APBB2: variants seen among roughly 807,000 people sequenced by gnomAD.
APBB2 encodes amyloid beta precursor protein binding family B member 2, also known as Fe65-like 1.
In APBB2, 38 loss-of-function variants were observed where a neutral mutation model predicts 82.5. That is an observed-to-expected ratio of 0.46 (90% CI 0.36 to 0.60). The LOEUF (loss-of-function observed/expected upper bound fraction) is 0.60, where lower values mean the gene tolerates loss of function less well. APBB2 is among the 20% of genes least tolerant of loss of function. The pLI, the probability that APBB2 is intolerant of heterozygous loss-of-function variation, is 0.00. For synonymous variants in APBB2, 341 were observed against 368.2 expected (o/e 0.93, Z 0.85); for missense variants, 772 against 972.3 (o/e 0.79, Z 2.74).
intron 12 of APBB2, among the ~76,000 whole-genome samples, chr4:40,844,672 G>C (rs542795312): frequency 3.9e-5 from 6 of 152,174 alleles, no homozygotes; most frequent in African/African-American, 7.2e-5. Context: ...CAATTTACAA[G>C]ATCAGCAAAG....
intron 2 of APBB2, among the ~76,000 whole-genome samples, chr4:41,140,820 T>C (rs1758913438): frequency 6.6e-6 from 1 of 152,196 alleles, no homozygotes; most frequent in Admixed American, 6.5e-5. Context: ...ATGCTTCCTA[T>C]GAGAATGTAA....
At chr4:40,982,281 A>AAG (rs1798872478) in intron 6 of APBB2, among the ~76,000 whole-genome samples, 2 of 17,476 alleles carry the variant, frequency 1.1e-4, no homozygotes, top group East Asian at 1.2e-3. Context: ...AAAGAAAGAA[A>AAG]GAAGGAAGGA....
intron 5 of APBB2, among the ~76,000 whole-genome samples, chr4:41,029,074 C>T (rs1048168386): frequency 6.6e-6 from 1 of 152,208 alleles, no homozygotes; most frequent in South Asian, 2.1e-4. Flanking sequence ...GATAAATGGG[C>T]CAAAGGAAGA....
chr4:40,830,455 C>T lies in APBB2; in HGVS notation c.1644+8G>A. 3 of 1,607,822 alleles carry T rather than the reference C, an allele frequency of 1.9e-6. No homozygotes were observed. The highest frequency in any genetic ancestry group is 1.1e-5 in the South Asian group (1 of 90,952). On this transcript the variant is annotated splice_region_variant and intron_variant, in intron 13 of 17. Coordinates refer to ENST00000508593, the MANE Select transcript of APBB2 (RefSeq NM_004307.2). ...AGAGGCGGCCCATACTGCCCTGACC[C>T]ACCTTACCTTGGAGCAGATCTCGTG...
intron 12 of APBB2, among the ~76,000 whole-genome samples, chr4:40,862,572 G>A (rs760171414): frequency 7.2e-5 from 11 of 152,206 alleles, no homozygotes; most frequent in Admixed American, 2.6e-4. Context: ...GGTGCCGGGC[G>A]GGTCCTAGCC....
intron 3 of APBB2, among the ~76,000 whole-genome samples, chr4:41,067,443 G>T (rs192400982): frequency 6.6e-6 from 1 of 151,912 alleles, no homozygotes; most frequent in Non-Finnish European, 1.5e-5. Context: ...AAATTGAAGC[G>T]TGGAAGATTC....
intron 4 of APBB2, among the ~76,000 whole-genome samples, chr4:41,049,497 C>G (rs1234927476): frequency 6.8e-6 from 1 of 146,648 alleles, no homozygotes; most frequent in Non-Finnish European, 1.5e-5. Context: ...CCGCCCCGTC[C>G]GGGAGGGAGG....
chr4:41,087,582 C>T (rs1028843270), intron 3 of APBB2, among the ~76,000 whole-genome samples: 1 of 152,066 alleles, frequency 6.6e-6, no homozygotes, highest in South Asian at 2.1e-4. Context: ...GCATGCATCA[C>T]CATGACTGGC....
At chr4:40,847,919 G>A (rs1031785529) in intron 12 of APBB2, among the ~76,000 whole-genome samples, 5 of 151,782 alleles carry the variant, frequency 3.3e-5, no homozygotes, top group Admixed American at 6.6e-5. Flanking sequence ...CAATCCTCCG[G>A]CCTCAACCTC....
intron 6 of APBB2, among the ~76,000 whole-genome samples, chr4:40,974,018 A>AT (rs912288613): frequency 2.0e-5 from 3 of 151,504 alleles, no homozygotes; most frequent in Non-Finnish European, 4.4e-5. Context: ...CACCTGGCTA[A>AT]TTTTTTTGTA....
chr4:40,939,130 C>G (rs1560333178), intron 7 of APBB2, among the ~76,000 whole-genome samples: 1 of 152,222 alleles, frequency 6.6e-6, no homozygotes, highest in African/African-American at 2.4e-5. Flanking sequence ...TTTTCAGCCT[C>G]TATAACCATA....
rs55814804 is a variant in APBB2, at chr4:40,907,379, A to ATTTTT, written c.1255-13973_1255-13969dup. On this transcript the variant is annotated intron_variant, in intron 10 of 17. Coordinates refer to ENST00000508593, the MANE Select transcript of APBB2 (RefSeq NM_004307.2). ...TATATATATATATATATATATATAT[A>ATTTTT]TTTTTTTTTTTTTTTTTTTTTAGAC... Among the ~76,000 whole-genome samples, 19 of 37,396 alleles carry ATTTTT rather than the reference A, an allele frequency of 5.1e-4. 1 individual carries two copies. Among genetic ancestry groups the ATTTTT allele is most frequent in the African/African-American group, 2.4e-3 (19 of 8,026 alleles). 24.5% of individuals were successfully genotyped at this position (37,396 alleles called of 152,430 possible). A position where few individuals can be genotyped will look rare whatever the true frequency, so the allele number is the denominator to read the frequency against.
At chr4:40,861,475 T>G (rs1762750385) in intron 12 of APBB2, among the ~76,000 whole-genome samples, 2 of 152,316 alleles carry the variant, frequency 1.3e-5, no homozygotes, top group South Asian at 4.1e-4. Flanking sequence ...TGCAGAGAGC[T>G]ATGATCTTGC....
chr4:40,869,187 C>G (rs1006753203), intron 12 of APBB2, among the ~76,000 whole-genome samples: 2 of 152,174 alleles, frequency 1.3e-5, no homozygotes, highest in South Asian at 4.2e-4. Context: ...TGCCTGTAAA[C>G]AGAAGAATAA....
At chr4:40,932,375 A>G (rs190316773) in intron 10 of APBB2, among the ~76,000 whole-genome samples, 111 of 152,374 alleles carry the variant, frequency 7.3e-4, no homozygotes, top group African/African-American at 2.0e-3. Context: ...TAGAGTGGCC[A>G]TGATATTACT....
chr4:41,189,977 C>A (rs1372048708), intron 1 of APBB2, among the ~76,000 whole-genome samples: 1 of 152,132 alleles, frequency 6.6e-6, no homozygotes, highest in Admixed American at 6.5e-5. Flanking sequence ...AACAATTCAG[C>A]ATGTCTTCAA....
chr4:40,861,549 G>A (rs1016550116), intron 12 of APBB2, among the ~76,000 whole-genome samples: 1 of 152,110 alleles, frequency 6.6e-6, no homozygotes, highest in African/African-American at 2.4e-5. Context: ...ATAAATGAAT[G>A]AATGAATAAA....
intron 12 of APBB2, among the ~76,000 whole-genome samples, chr4:40,877,669 A>G (rs1767255274): frequency 6.6e-6 from 1 of 152,162 alleles, no homozygotes; most frequent in African/African-American, 2.4e-5. Flanking sequence ...GCTGGGACAG[A>G]CCTGGTTTTA....
intron 6 of APBB2, among the ~76,000 whole-genome samples, chr4:40,982,552 T>G (rs1799367736): frequency 6.6e-6 from 1 of 151,374 alleles, no homozygotes; most frequent in South Asian, 2.1e-4. Flanking sequence ...GTGGATTGCT[T>G]GAGCTCAGGA....
Sources: gnomAD v4.1 joint callset for allele counts (sites outside exome capture counted in the v4.1 genomes callset) on GRCh38, gnomAD v4.1.1 for gene constraint, MANE v1.5 for transcripts, NCBI Gene and HGNC (gene_info 2026-07-23, HGNC 2026-07-21) for gene names.